The following NRIP1 variants were observed in gnomAD, a reference collection of about 807,000 sequenced individuals.
NRIP1 encodes nuclear receptor interacting protein 1, also known as nuclear receptor-interacting protein 1.
Under a neutral mutation model 75.0 loss-of-function variants are expected in NRIP1, and 28 were observed. That is an observed-to-expected ratio of 0.37 (90% CI 0.28 to 0.51). The LOEUF is 0.51. Among genes scored for constraint, NRIP1 ranks in the 20% least tolerant of loss-of-function variants. NRIP1 has a pLI of 0.92. For missense variants in NRIP1, 1,435 were observed against 1,343.7 expected, an observed-to-expected ratio of 1.07 and a Z score of -1.06; for synonymous variants, 526 against 487.6, an observed-to-expected ratio of 1.08 and a Z score of -1.04.
At chr21:14,970,600 T>A (rs989903080) in intron 3 of NRIP1, among the ~76,000 whole-genome samples, 16 of 124,158 alleles carry the variant, frequency 1.3e-4, no homozygotes, top group Admixed American at 9.2e-5. Flanking sequence ...TCTCAACTAG[T>A]TAAGACATTT....
intron 1 of NRIP1, among the ~76,000 whole-genome samples, chr21:15,063,573 A>C (rs1476320707): frequency 1.3e-5 from 2 of 152,192 alleles, no homozygotes; most frequent in Non-Finnish European, 2.9e-5. Context: ...AGAAACAGAA[A>C]GAGCATTCAT....
intron 2 of NRIP1, among the ~76,000 whole-genome samples, chr21:15,040,527 C>A (rs936234865): frequency 6.6e-6 from 1 of 152,028 alleles, no homozygotes; most frequent in African/African-American, 2.4e-5. Flanking sequence ...GTCAGGAATG[C>A]TGAAATAAGT....
chr21:14,962,808 G>C lies in NRIP1; in HGVS notation c.*1908C>G, dbSNP rs1056365396. 1.3e-5 allele frequency: 2 copies of C among 152,070 alleles called. No homozygotes were observed. Among genetic ancestry groups the C allele is most frequent in the East Asian group, 3.9e-4 (2 of 5,176 alleles). The allele number at this position is 152,070 out of a possible 1,614,324, so 9.4% of individuals were successfully genotyped here. On this transcript the variant is annotated 3_prime_UTR_variant, in exon 4 of 4. Transcript: ENST00000318948. ...ATTCTGAGGAAAAATAACCATTTAG[G>C]GTTTTAGATCATATTAGGAAATCAC...
At chr21:14,980,011 A>G (rs1470674217) in intron 3 of NRIP1, among the ~76,000 whole-genome samples, 1 of 152,182 alleles carries the variant, frequency 6.6e-6, no homozygotes, top group African/African-American at 2.4e-5. Context: ...TATGCTCTGC[A>G]ATGCCTTGGG....
chr21:14,978,630 T>C (rs558421526), intron 3 of NRIP1, among the ~76,000 whole-genome samples: 19 of 152,306 alleles, frequency 1.2e-4, no homozygotes, highest in African/African-American at 4.3e-4. Context: ...GAAATAACCG[T>C]TCTGGTGACA....
chr21:15,030,940 C>T lies in NRIP1; in HGVS notation c.-458+12555G>A, dbSNP rs1357989129. Among the ~76,000 whole-genome samples, 135 of 122,122 alleles carry T rather than the reference C, an allele frequency of 1.1e-3. 1 individual carries two copies. The highest frequency in any genetic ancestry group is 2.8e-3 in the African/African-American group (95 of 33,702). 80.1% of individuals were successfully genotyped at this position (122,122 alleles called of 152,430 possible). ...TTCTATGTGTGTACACTCTGGAAGG[C>T]ACTCAGAGGATCACCACATTCCCTT... On this transcript the variant is annotated intron_variant, in intron 2 of 3. Transcript: ENST00000318948.
chr21:15,003,703 G>C (rs2087900443), intron 3 of NRIP1, among the ~76,000 whole-genome samples: 1 of 152,198 alleles, frequency 6.6e-6, no homozygotes, highest in South Asian at 2.1e-4. Flanking sequence ...AGGGGAGAAT[G>C]CCCAATTAGG....
chr21:15,034,621 G>C (rs2088790704), intron 2 of NRIP1, among the ~76,000 whole-genome samples: 2 of 151,988 alleles, frequency 1.3e-5, no homozygotes, highest in African/African-American at 4.8e-5. Context: ...TGAAATGAAA[G>C]ACAGGTTAAT....
chr21:15,050,882 A>C (rs1346225522), intron 1 of NRIP1: 1 of 456,066 alleles, frequency 2.2e-6, no homozygotes, highest in Non-Finnish European at 4.4e-6. Flanking sequence ...CCTGCCTGGT[A>C]TCTACCAGGC....
At chr21:15,053,933 T>C (rs2089253679) in intron 1 of NRIP1, among the ~76,000 whole-genome samples, 1 of 152,204 alleles carries the variant, frequency 6.6e-6, no homozygotes, top group Admixed American at 6.5e-5. Context: ...TAAATATATA[T>C]CCATATAATT....
At chr21:15,046,904 C>A (rs1224295686) in intron 1 of NRIP1, among the ~76,000 whole-genome samples, 1 of 152,184 alleles carries the variant, frequency 6.6e-6, no homozygotes, top group South Asian at 2.1e-4. Flanking sequence ...GCAGTTTCTT[C>A]ATCTCCTCTC....
At chr21:15,027,841 G>T (rs1470021295) in intron 2 of NRIP1, among the ~76,000 whole-genome samples, 2 of 151,992 alleles carry the variant, frequency 1.3e-5, no homozygotes, top group Non-Finnish European at 2.9e-5. Context: ...TATTCACCAT[G>T]ACAGCCAAAA....
At chr21:15,016,138 T>A (rs899305906) in intron 2 of NRIP1, among the ~76,000 whole-genome samples, 3 of 152,178 alleles carry the variant, frequency 2.0e-5, no homozygotes, top group East Asian at 1.9e-4. Flanking sequence ...CTCGGTGAAA[T>A]GAGCAGAGAT....
At position 15,049,412 on chromosome 21, in the gene NRIP1, C is replaced by T. The variant is rs1223433057; in HGVS notation, c.-537-5838G>A. Among the ~76,000 whole-genome samples, 4 of 151,924 alleles carry T rather than the reference C, an allele frequency of 2.6e-5. No homozygotes were observed. In the East Asian group the frequency reaches 7.7e-4, roughly 29 times the overall value. On this transcript the variant is annotated intron_variant, in intron 1 of 3. Transcript: ENST00000318948. ...AGGGGATAATGTGTATTCTCCAAAA[C>T]CTCAAGAGTATATCAAAACACACAC...
intron 3 of NRIP1, among the ~76,000 whole-genome samples, chr21:14,996,876 A>T (rs755072625): frequency 7.9e-5 from 12 of 151,804 alleles, no homozygotes; most frequent in Non-Finnish European, 1.2e-4. Context: ...AACCAAATAA[A>T]GATGCTTACA....
At chr21:15,061,452 G>GT (rs975507419) in intron 1 of NRIP1, among the ~76,000 whole-genome samples, 4 of 152,166 alleles carry the variant, frequency 2.6e-5, no homozygotes, top group African/African-American at 9.7e-5. Flanking sequence ...GATCTAGACA[G>GT]TGTTTATTTT....
At chr21:15,012,708 C>A (rs535942454) in intron 3 of NRIP1, among the ~76,000 whole-genome samples, 20 of 152,084 alleles carry the variant, frequency 1.3e-4, no homozygotes, top group Admixed American at 8.5e-4. Flanking sequence ...ACCTTGGCCT[C>A]CCAAAGTGCT....
rs1332608537 is a variant in NRIP1 at position 14,967,009 on chromosome 21, C to T, written c.1184G>A (p.Gly395Glu). Residue 395 changes from glycine (G) to glutamate (E), a missense_variant, in exon 4 of 4, where the codon GGA (glycine) becomes GAA (glutamate). Gly to Glu is a moderately conservative substitution (Grantham distance 98). Transcript: ENST00000318948. The part of the protein sequence containing the change: ...KSQTIPKPMN[G>E]HSHSERGSIF... Reference sequence around the variant, plus strand: ...GCTTCCTCTCTCACTGTGACTGTGTCCATTCATTGGCTTAGGTATAGTCTG... The same window carrying T: ...GCTTCCTCTCTCACTGTGACTGTGTTCATTCATTGGCTTAGGTATAGTCTG... The T allele has an allele frequency of 1.9e-6, 3 of 1,613,994 alleles. No individual in the cohort carries two copies. In the African/African-American group the frequency reaches 4.0e-5, roughly 22 times the overall value.
chr21:15,034,713 G>C (rs888228108), intron 2 of NRIP1, among the ~76,000 whole-genome samples: 1 of 152,186 alleles, frequency 6.6e-6, no homozygotes, highest in African/African-American at 2.4e-5. Flanking sequence ...GTAGGTGGCA[G>C]ATGTTAAGTG....
Sources: allele counts gnomAD v4.1 joint callset (sites outside exome capture counted in the v4.1 genomes callset), GRCh38; gene constraint gnomAD v4.1.1; transcripts MANE v1.5; gene names NCBI Gene and HGNC (gene_info 2026-07-23, HGNC 2026-07-21).